Variants in ACVR1 observed in about 807,000 individuals in gnomAD.
The protein encoded by ACVR1 is activin A receptor type 1, also known as activin receptor type-1.
Under a neutral mutation model 57.1 loss-of-function variants are expected in ACVR1, and 38 were observed. That is an observed-to-expected ratio of 0.67 (90% confidence interval 0.51 to 0.87). ACVR1 has a LOEUF of 0.87. ACVR1 is among the 40% of genes least tolerant of loss of function. ACVR1 has a pLI of 0.00. For missense variants in ACVR1, 463 were observed against 638.2 expected (o/e 0.73, Z 2.96); for synonymous variants, 212 against 228.1 (o/e 0.93, Z 0.63).
At position 157,862,422 on chromosome 2, in the gene ACVR1, T is replaced by TACACACACACACAC. The variant is rs68077740; in HGVS notation, c.-183+13360_-183+13373dup. ...TAGGCACAGGATAAACATATACACATACACACACACACACACACACACACA... is the reference window on the plus strand; with the variant it reads ...TAGGCACAGGATAAACATATACACATACACACACACACACACACACACACACACACACACACACA... On this transcript the variant is annotated intron_variant, in intron 1 of 10. Transcript: ENST00000434821. Among the ~76,000 whole-genome samples the TACACACACACACAC allele has an allele frequency of 1.0e-3, 146 of 143,734 alleles. 1 individual carries two copies. The highest frequency in any genetic ancestry group is 3.2e-3 in the African/African-American group (123 of 38,296). The allele number at this position is 143,734 out of a possible 152,430, so 94.3% of individuals were successfully genotyped here.
At chr2:157,837,202 G>C (rs1688812776) in intron 1 of ACVR1, among the ~76,000 whole-genome samples, 1 of 152,236 alleles carries the variant, frequency 6.6e-6, no homozygotes, top group African/African-American at 2.4e-5. Context: ...AACAGAGGCA[G>C]AGCTAGGTAA....
chr2:157,795,322 CT>C (rs1263908684), intron 3 of ACVR1, among the ~76,000 whole-genome samples: 2 of 151,506 alleles, frequency 1.3e-5, no homozygotes, highest in African/African-American at 4.9e-5. Flanking sequence ...TAGGGTTTCT[CT>C]TTGGTTTTTA....
intron 2 of ACVR1, among the ~76,000 whole-genome samples, chr2:157,815,448 T>C (rs1687899386): frequency 6.6e-6 from 1 of 152,152 alleles, no homozygotes; most frequent in Admixed American, 6.5e-5. Context: ...AAAATACAAA[T>C]ATTCATTGCC....
rs545267074 is a variant in ACVR1, at chr2:157,742,630, G to T, written c.1265-4060C>A. 9.2e-5 allele frequency among the ~76,000 whole-genome samples: 14 copies of T among 152,106 alleles called. 1 individual carries two copies. The South Asian group carries it at 2.9e-3, about 32-fold the overall frequency. The stretch of plus-strand genomic sequence containing the variant: ...ATCCCTCCCATTAGTTTGCTATATG[G>T]CTCTGAGTAAACCCCTTAGCTGCCA... On this transcript the variant is annotated intron_variant, in intron 9 of 10. Coordinates refer to ENST00000434821, the MANE Select transcript of ACVR1 (RefSeq NM_001111067.4).
chr2:157,757,015 A>G (rs960495038), intron 9 of ACVR1, among the ~76,000 whole-genome samples: 3 of 129,744 alleles, frequency 2.3e-5, no homozygotes, highest in Non-Finnish European at 4.7e-5. Context: ...AGATATATAT[A>G]TATTTGATAT....
rs1559027515 is a variant in ACVR1, at chr2:157,737,403, C to A, written c.*128G>T. 7.0e-6 allele frequency: 9 copies of A among 1,282,252 alleles called. No individual in the cohort carries two copies. The highest frequency in any genetic ancestry group is 9.9e-6 in the Non-Finnish European group (9 of 910,952). The allele number at this position is 1,282,252 out of a possible 1,614,324, so 79.4% of individuals were successfully genotyped here. ...ACACATGGCTGGGTACGACGTCTGC[C>A]TTGTCAAAGCAGCCATTTGGGGAGG... On this transcript the variant is annotated 3_prime_UTR_variant, in exon 11 of 11. Transcript: ENST00000434821.
intron 9 of ACVR1, among the ~76,000 whole-genome samples, chr2:157,742,001 A>T (rs1391247293): frequency 2.6e-5 from 4 of 152,096 alleles, no homozygotes; most frequent in Non-Finnish European, 4.4e-5. Context: ...GAACTGACAA[A>T]CCATCCTCTG....
chr2:157,816,945 CA>C (rs1408576001), intron 2 of ACVR1, among the ~76,000 whole-genome samples: 1 of 152,024 alleles, frequency 6.6e-6, no homozygotes, highest in East Asian at 1.9e-4. Context: ...AAAAGCATTT[CA>C]TCCTGGATAG....
chr2:157,782,653 G>A (rs572988605), intron 3 of ACVR1, among the ~76,000 whole-genome samples: 1 of 152,306 alleles, frequency 6.6e-6, no homozygotes, highest in Non-Finnish European at 1.5e-5. Flanking sequence ...GCTGAGGGCT[G>A]CCAACTATGC....
chr2:157,798,066 G>T (rs1334870079), intron 3 of ACVR1, among the ~76,000 whole-genome samples: 1 of 152,058 alleles, frequency 6.6e-6, no homozygotes, highest in Non-Finnish European at 1.5e-5. Context: ...CCAGTTTCTG[G>T]TATTTTTGTT....
rs116653977 is a variant in ACVR1, at chr2:157,788,278, A to G, written c.68-7678T>C. ...CTATTTCGGTTACCTACCATCAACC[A>G]CAGTCCAAAAATATTAAGCAAAAAA... On this transcript the variant is annotated intron_variant, in intron 3 of 10. Transcript: ENST00000434821. Among the ~76,000 whole-genome samples, 933 of 152,184 alleles carry G rather than the reference A, an allele frequency of 6.1e-3. 6 individuals carry two copies. Among genetic ancestry groups the G allele is most frequent in the Non-Finnish European group, 0.01 (714 of 68,026 alleles).
At chr2:157,785,463 A>C (rs953187837) in intron 3 of ACVR1, among the ~76,000 whole-genome samples, 1 of 152,192 alleles carries the variant, frequency 6.6e-6, no homozygotes, top group African/African-American at 2.4e-5. Context: ...AGGCTTTAAG[A>C]AGGATTTTGC....
rs1329223493 is a variant in ACVR1, at chr2:157,780,414, G to A, written c.254C>T (p.Pro85Leu). The change falls in exon 4 of 11, where the codon CCG becomes CTG. Residue 85 changes from proline (P) to leucine (L), a missense_variant. Transcript: ENST00000434821. ...EQGKMTCKTP[P>L]SPGQAVECCQ... ...GCACTCCACGGCTTGGCCAGGGGAC[G>A]GCGGGGTCTTACAGGTCATCTTTCC... 5.6e-6 allele frequency: 9 copies of A among 1,614,124 alleles called. No individual in the cohort carries two copies. The highest frequency in any genetic ancestry group is 2.2e-5 in the East Asian group (1 of 44,868).
chr2:157,772,033 A>G lies in ACVR1; in HGVS notation c.644-1519T>C, dbSNP rs566927031. Among the ~76,000 whole-genome samples, 72 of 152,296 alleles carry G rather than the reference A, an allele frequency of 4.7e-4. No homozygotes were observed. In the South Asian group the frequency reaches 6.6e-3, roughly 14 times the overall value. On this transcript the variant is annotated intron_variant, in intron 6 of 10. Coordinates refer to ENST00000434821, the MANE Select transcript of ACVR1 (RefSeq NM_001111067.4). Reference sequence around the variant, plus strand: ...CATTTTGTCATTAGGGATGAGAGCAAAATATCCCAGGGAATTATGGATACA... The same window carrying G: ...CATTTTGTCATTAGGGATGAGAGCAGAATATCCCAGGGAATTATGGATACA...
At chr2:157,800,119 A>T (rs1335651461) in intron 2 of ACVR1, among the ~76,000 whole-genome samples, 1 of 152,258 alleles carries the variant, frequency 6.6e-6, no homozygotes, top group East Asian at 1.9e-4. Flanking sequence ...AACTAAAATC[A>T]TGTAAAAATA....
chr2:157,737,728 G>A, intron 10 of ACVR1, 63 bp from the exon 11 acceptor site: 2 of 1,602,200 alleles, frequency 1.2e-6, no homozygotes, highest in Non-Finnish European at 1.7e-6. Flanking sequence ...CTGGAAGCTG[G>A]GCTGATATCA....
At chr2:157,763,123 T>TG (rs1488445584) in intron 8 of ACVR1, among the ~76,000 whole-genome samples, 2 of 152,194 alleles carry the variant, frequency 1.3e-5, no homozygotes. Context: ...AGTTCCTCTT[T>TG]GAAAAAACTG....
Position 157,777,085 on chromosome 2 carries a change from A to G in ACVR1, c.543+1046T>C, listed in dbSNP as rs192695703. On this transcript the variant is annotated intron_variant, in intron 5 of 10. Transcript: ENST00000434821. ...AGAATGTTATTATTTTTTCTTTTGC[A>G]CTTTATGATAACCTTCTATTTAGAG... Among the ~76,000 whole-genome samples, 3 of 152,182 alleles carry G rather than the reference A, an allele frequency of 2.0e-5. No individual in the cohort carries two copies. The East Asian group carries it at 5.8e-4, about 29-fold the overall frequency.
rs771301363 is a variant in ACVR1, at chr2:157,766,076, C to A, written c.911G>T (p.Ser304Ile). 1 of 1,614,104 alleles carries A rather than the reference C, an allele frequency of 6.2e-7. No homozygotes were observed. Among genetic ancestry groups the A allele is most frequent in the Non-Finnish European group, 8.5e-7 (1 of 1,180,002 alleles). The change falls in exon 8 of 11, where the codon AGC (serine) becomes ATC (isoleucine). Residue 304 changes from serine to isoleucine, a missense_variant. Coordinates refer to ENST00000434821, the MANE Select transcript of ACVR1 (RefSeq NM_001111067.4). ...YLQLTTLDTV[S>I]CLRIVLSIAS... ...TATGGACAGCACTATTCGAAGGCAG[C>A]TAACTGTATCCAGAGTAGTAAGCTG... is the stretch of plus-strand genomic sequence containing the variant.
Sources: gnomAD v4.1 joint callset for allele counts (sites outside exome capture counted in the v4.1 genomes callset) on GRCh38, gnomAD v4.1.1 for gene constraint, MANE v1.5 for transcripts, NCBI Gene and HGNC (gene_info 2026-07-23, HGNC 2026-07-21) for gene names.